HIVEP2: variants seen among roughly 807,000 people sequenced by gnomAD.
The protein encoded by HIVEP2 is transcription factor HIVEP2.
A neutral mutation model predicts 180.7 loss-of-function variants in HIVEP2; 14 were observed. The ratio of observed to expected loss-of-function variants is 0.08; its 90% CI spans 0.05 to 0.12. The LOEUF (loss-of-function observed/expected upper bound fraction) is 0.12. HIVEP2 is among the 10% of genes least tolerant of loss of function. HIVEP2 has a pLI of 1.00. For missense variants in HIVEP2, 2,579 were observed against 3,008.5 expected, an observed-to-expected ratio of 0.86 and a Z score of 3.34; for synonymous variants, 1,184 against 1,136.4, an observed-to-expected ratio of 1.04 and a Z score of -0.84.
chr6:142,855,621 T>C (rs1039341945), intron 1 of HIVEP2, among the ~76,000 whole-genome samples: 1 of 152,216 alleles, frequency 6.6e-6, no homozygotes, highest in South Asian at 2.1e-4. Context: ...CTCTCAACTA[T>C]ACTGAATTAT....
At chr6:142,907,879 G>A (rs529513274) in intron 1 of HIVEP2, among the ~76,000 whole-genome samples, 1 of 152,186 alleles carries the variant, frequency 6.6e-6, no homozygotes, top group African/African-American at 2.4e-5. Flanking sequence ...ATAACTTTTC[G>A]ATTTATTTCA....
At chr6:142,764,260 G>A (rs545623749) in intron 7 of HIVEP2, among the ~76,000 whole-genome samples, 1 of 152,230 alleles carries the variant, frequency 6.6e-6, no homozygotes, top group South Asian at 2.1e-4. Context: ...AAGACTAACA[G>A]TTATGTACTG....
intron 1 of HIVEP2, among the ~76,000 whole-genome samples, chr6:142,914,530 A>C (rs531031820): frequency 1.3e-5 from 2 of 152,332 alleles, no homozygotes; most frequent in African/African-American, 4.8e-5. Flanking sequence ...CATAACAGAC[A>C]ATCAACACAT....
At chr6:142,879,394 T>C (rs984285472) in intron 1 of HIVEP2, among the ~76,000 whole-genome samples, 1 of 152,122 alleles carries the variant, frequency 6.6e-6, no homozygotes, top group African/African-American at 2.4e-5. Flanking sequence ...ACATGGATGT[T>C]GAATGTTGAG....
At chr6:142,759,234 C>T (rs181178843) in intron 9 of HIVEP2, among the ~76,000 whole-genome samples, 1 of 151,998 alleles carries the variant, frequency 6.6e-6, no homozygotes, top group East Asian at 1.9e-4. Context: ...ACCTGGGAGG[C>T]GGAGGTTGTA....
intron 1 of HIVEP2, among the ~76,000 whole-genome samples, chr6:142,903,995 A>T (rs777855313): frequency 4.6e-5 from 7 of 152,208 alleles, no homozygotes; most frequent in Non-Finnish European, 7.3e-5. Flanking sequence ...ACAGAGATGG[A>T]ACACAGCTAT....
At chr6:142,788,006 A>G (rs185795824) in intron 2 of HIVEP2, 42 of 152,342 alleles carry the variant, frequency 2.8e-4, no homozygotes, top group African/African-American at 9.9e-4. Context: ...CACCAAAGCT[A>G]CATATGGTCT....
At chr6:142,876,004 A>G (rs1353098791) in intron 1 of HIVEP2, among the ~76,000 whole-genome samples, 1 of 152,218 alleles carries the variant, frequency 6.6e-6, no homozygotes, top group Non-Finnish European at 1.5e-5. Context: ...GGATTTAGAT[A>G]GAACCCTAAG....
chr6:142,899,490 C>T (rs1156912565), intron 1 of HIVEP2, among the ~76,000 whole-genome samples: 1 of 152,224 alleles, frequency 6.6e-6, no homozygotes, highest in Non-Finnish European at 1.5e-5. Flanking sequence ...CTCTTTATTG[C>T]ATGCTCAGGC....
intron 1 of HIVEP2, among the ~76,000 whole-genome samples, chr6:142,839,733 A>G (rs900348538): frequency 8.5e-5 from 13 of 152,096 alleles, no homozygotes. Flanking sequence ...CTTTTTGAGG[A>G]GCCCTCTAGA....
At chr6:142,775,890 A>T (rs905689616) in intron 4 of HIVEP2, among the ~76,000 whole-genome samples, 9 of 151,076 alleles carry the variant, frequency 6.0e-5, no homozygotes, top group African/African-American at 2.2e-4. Context: ...ATAACATAGT[A>T]TACATATAAG....
intron 2 of HIVEP2, among the ~76,000 whole-genome samples, chr6:142,785,738 T>G (rs1447910319): frequency 6.6e-6 from 1 of 152,198 alleles, no homozygotes; most frequent in Non-Finnish European, 1.5e-5. Context: ...GACATGCACA[T>G]GTATTTGAAA....
At chr6:142,876,208 G>C (rs992989815) in intron 1 of HIVEP2, among the ~76,000 whole-genome samples, 14 of 152,118 alleles carry the variant, frequency 9.2e-5, no homozygotes, top group Admixed American at 3.9e-4. Context: ...ATATATGAGA[G>C]GTGAGGAACT....
intron 1 of HIVEP2, among the ~76,000 whole-genome samples, chr6:142,913,298 C>A (rs1005017860): frequency 2.3e-4 from 35 of 152,218 alleles, no homozygotes; most frequent in African/African-American, 8.2e-4. Context: ...ACGTACATTT[C>A]CTTCATGCTA....
chr6:142,907,661 G>A (rs1777300973), intron 1 of HIVEP2, among the ~76,000 whole-genome samples: 1 of 152,154 alleles, frequency 6.6e-6, no homozygotes, highest in South Asian at 2.1e-4. Flanking sequence ...TGGAGCTGGA[G>A]CTCAAGAAGG....
chr6:142,892,564 C>T (rs1562281320), intron 1 of HIVEP2, among the ~76,000 whole-genome samples: 1 of 152,126 alleles, frequency 6.6e-6, no homozygotes, highest in African/African-American at 2.4e-5. Context: ...AATGATAAGA[C>T]AGAAGTGATT....
chr6:142,944,361 ACC>A (rs55804696), intron 1 of HIVEP2, among the ~76,000 whole-genome samples: 10,592 of 104,320 alleles, frequency 0.1, 669 homozygotes, highest in East Asian at 0.34. Flanking sequence ...TCTGGAGTCC[ACC>A]CCCCCCCCCC....
At chr6:142,820,288 C>G (rs1398313402) in intron 2 of HIVEP2, among the ~76,000 whole-genome samples, 1 of 118,036 alleles carries the variant, frequency 8.5e-6, no homozygotes, top group Non-Finnish European at 1.8e-5. Flanking sequence ...TTACCAGGCT[C>G]GCTCTCTCTT....
At position 142,857,997 on chromosome 6, in the gene HIVEP2, G is replaced by A. The variant is rs140265150; in HGVS notation, c.-640-20950C>T. ...GATGGCCCAGCTATGCATGGTCCCC[G>A]GCAGGGATGCTGCAGCTGACCTAGG... On this transcript the variant is annotated intron_variant, in intron 1 of 9. Coordinates refer to ENST00000367603, the MANE Select transcript of HIVEP2 (RefSeq NM_006734.4). Among the ~76,000 whole-genome samples, 209 of 152,240 alleles carry A rather than the reference G, an allele frequency of 1.4e-3. 2 individuals carry two copies. Among genetic ancestry groups the A allele is most frequent in the African/African-American group, 4.8e-3 (199 of 41,546 alleles).
Sources: allele counts gnomAD v4.1 joint callset (sites outside exome capture counted in the v4.1 genomes callset), GRCh38; gene constraint gnomAD v4.1.1; transcripts MANE v1.5; gene names NCBI Gene and HGNC (gene_info 2026-07-23, HGNC 2026-07-21).